Variants in TNR observed in about 807,000 individuals in gnomAD.
TNR encodes the protein tenascin R, also known as tenascin-R.
TNR carries 45 observed loss-of-function variants against 150.4 expected under a neutral mutation model. The ratio of observed to expected loss-of-function variants is 0.30; its 90% CI spans 0.24 to 0.38. The LOEUF is 0.38. Among genes scored for constraint, TNR ranks in the 10% least tolerant of loss-of-function variants. TNR has a pLI of 1.00. For missense variants in TNR, 1,544 were observed against 1,759.1 expected, an observed-to-expected ratio of 0.88 and a Z score of 2.19; for synonymous variants, 687 against 678.4, an observed-to-expected ratio of 1.01 and a Z score of -0.20.
chr1:175,420,636 A>G (rs1458191637), intron 2 of TNR, among the ~76,000 whole-genome samples: 1 of 152,212 alleles, frequency 6.6e-6, no homozygotes, highest in African/African-American at 2.4e-5. Context: ...GAATAACAGA[A>G]CACCTGGTAT....
chr1:175,356,639 T>A (rs933150642), intron 15 of TNR, among the ~76,000 whole-genome samples, 177 bp from the exon 16 acceptor site: 2 of 152,138 alleles, frequency 1.3e-5, no homozygotes, highest in Non-Finnish European at 2.9e-5. Context: ...TCATCTCATA[T>A]CATAATTGAA....
intron 2 of TNR, among the ~76,000 whole-genome samples, chr1:175,501,177 C>T (rs1658720404): frequency 6.6e-6 from 1 of 152,168 alleles, no homozygotes. Context: ...CTAGCCTGAT[C>T]TAATCATGTG....
intron 2 of TNR, among the ~76,000 whole-genome samples, chr1:175,443,483 T>C (rs1655886915): frequency 6.6e-6 from 1 of 152,200 alleles, no homozygotes; most frequent in South Asian, 2.1e-4. Flanking sequence ...AAGTGTTTAC[T>C]CATCATCTTC....
At position 175,386,021 on chromosome 1, in the gene TNR, C is replaced by G. The variant is rs369617506; in HGVS notation, c.1777+11G>C. On this transcript the variant is annotated intron_variant, in intron 8 of 22. Coordinates refer to ENST00000367674, the MANE Select transcript of TNR (RefSeq NM_003285.3). The stretch of plus-strand genomic sequence containing the variant: ...CCCTCCTTGTGCGTCTCTCCCCCAC[C>G]GCAGCCTTACCTGTTGTGAACTGAG... 1 of 1,555,994 alleles carries G rather than the reference C, an allele frequency of 6.4e-7. No homozygotes were observed. Among genetic ancestry groups the G allele is most frequent in the East Asian group, 2.3e-5 (1 of 43,792 alleles).
At chr1:175,518,545 G>A (rs1179437430) in intron 2 of TNR, among the ~76,000 whole-genome samples, 2 of 152,120 alleles carry the variant, frequency 1.3e-5, no homozygotes, top group Non-Finnish European at 2.9e-5. Context: ...AACTTTGGGT[G>A]CAGCTGTTCA....
At chr1:175,610,636 C>T (rs1279160759) in intron 1 of TNR, among the ~76,000 whole-genome samples, 1 of 152,210 alleles carries the variant, frequency 6.6e-6, no homozygotes, top group Non-Finnish European at 1.5e-5. Context: ...GTCTTGTTTA[C>T]TCCTCCCTAT....
At chr1:175,525,747 G>A (rs575013011) in intron 2 of TNR, among the ~76,000 whole-genome samples, 3 of 152,306 alleles carry the variant, frequency 2.0e-5, no homozygotes, top group Admixed American at 2.0e-4. Context: ...TAAGCTCAAG[G>A]TTTAGCTTCT....
At chr1:175,536,309 C>A (rs557780394) in intron 1 of TNR, among the ~76,000 whole-genome samples, 1 of 152,182 alleles carries the variant, frequency 6.6e-6, no homozygotes, top group East Asian at 1.9e-4. Flanking sequence ...ATGGACCAAG[C>A]CATTAAAAAG....
chr1:175,356,357 G>A lies in TNR; in HGVS notation c.3080C>T (p.Pro1027Leu), dbSNP rs756103916. 8 of 1,614,034 alleles carry A rather than the reference G, an allele frequency of 5.0e-6. No homozygotes were observed. Among genetic ancestry groups the A allele is most frequent in the Non-Finnish European group, 5.9e-6 (7 of 1,179,956 alleles). The change falls in exon 16 of 23, where the codon CCT becomes CTT. Residue 1027 changes from proline to leucine, a missense_variant. Transcript: ENST00000367674. ...YTATMYATNG[P>L]LTSGTISTNF... ...GGTGCTGATGGTGCCACTGGTGAGA[G>A]GTCCATTGGTGGCATACATGGTGGC...
intron 9 of TNR, among the ~76,000 whole-genome samples, chr1:175,373,621 A>T (rs1323555501): frequency 6.6e-6 from 1 of 152,184 alleles, no homozygotes; most frequent in African/African-American, 2.4e-5. Context: ...TAATACTTCT[A>T]AGGCCTGTTT....
chr1:175,441,042 C>A (rs544774642), intron 2 of TNR, among the ~76,000 whole-genome samples: 36 of 152,148 alleles, frequency 2.4e-4, no homozygotes, highest in Non-Finnish European at 4.4e-4. Flanking sequence ...TGATTGCTTC[C>A]TTTTCTCAAA....
intron 2 of TNR, among the ~76,000 whole-genome samples, chr1:175,417,071 G>GAAAGAAAGAAAGAAAGAAAGA: frequency 8.3e-6 from 1 of 119,820 alleles, no homozygotes; most frequent in South Asian, 2.6e-4. Flanking sequence ...AAGAAAGAAA[G>GAAAGAAAGAAAGAAAGAAAGA]AAAGAAATCT....
chr1:175,499,398 A>T (rs1411765408), intron 2 of TNR, among the ~76,000 whole-genome samples: 1 of 152,208 alleles, frequency 6.6e-6, no homozygotes, highest in East Asian at 1.9e-4. Flanking sequence ...TGCAAGGCTG[A>T]TGGGAGATGA....
chr1:175,421,765 C>T (rs1329094961), intron 2 of TNR, among the ~76,000 whole-genome samples: 1 of 152,170 alleles, frequency 6.6e-6, no homozygotes, highest in Non-Finnish European at 1.5e-5. Context: ...AAACCAGCTG[C>T]ATTTGATTAG....
rs192970783 is a variant in TNR, at chr1:175,497,404, G to A, written c.-64+30865C>T. On this transcript the variant is annotated intron_variant, in intron 2 of 22. Transcript: ENST00000367674. The stretch of plus-strand genomic sequence containing the variant: ...TTGAATTAACTAGTTCAAATAATCT[G>A]ATATTTTTACTGGAGCATGACAGGG... Among the ~76,000 whole-genome samples the A allele has an allele frequency of 7.0e-3, 1,071 of 152,332 alleles. 10 individuals are homozygous for A. The highest frequency in any genetic ancestry group is 0.037 in the Middle Eastern group (11 of 294).
intron 1 of TNR, among the ~76,000 whole-genome samples, chr1:175,547,265 C>T (rs1467133993): frequency 6.6e-6 from 1 of 152,232 alleles, no homozygotes; most frequent in Admixed American, 6.5e-5. Context: ...CTGATCCCCA[C>T]CTGGGTCATG....
intron 1 of TNR, among the ~76,000 whole-genome samples, chr1:175,582,476 A>G (rs1371714603): frequency 6.6e-6 from 1 of 152,238 alleles, no homozygotes; most frequent in Non-Finnish European, 1.5e-5. Flanking sequence ...GACCTTTTCT[A>G]GACTTGAGAG....
At chr1:175,676,672 A>T (rs1415926606) in intron 1 of TNR, among the ~76,000 whole-genome samples, 1 of 152,208 alleles carries the variant, frequency 6.6e-6, no homozygotes, top group Non-Finnish European at 1.5e-5. Flanking sequence ...AAGGGAAAAA[A>T]TCCTATTTCT....
intron 18 of TNR, among the ~76,000 whole-genome samples, chr1:175,338,318 T>C (rs1650345028): frequency 6.6e-6 from 1 of 152,226 alleles, no homozygotes; most frequent in Non-Finnish European, 1.5e-5. Context: ...GCAGGGGAAG[T>C]AAATTGCAGC....
Sources: gnomAD v4.1 joint callset for allele counts (sites outside exome capture counted in the v4.1 genomes callset) on GRCh38, gnomAD v4.1.1 for gene constraint, MANE v1.5 for transcripts, NCBI Gene and HGNC (gene_info 2026-07-23, HGNC 2026-07-21) for gene names.